NAV3: variants seen among roughly 807,000 people sequenced by gnomAD.
NAV3 encodes the protein neuron navigator 3, also known as pore membrane and/or filament interacting like protein 1.
Under a neutral mutation model 244.7 loss-of-function variants are expected in NAV3, and 87 were observed. The observed-to-expected ratio is 0.36, with a 90% CI of 0.30 to 0.42. The LOEUF (loss-of-function observed/expected upper bound fraction) is 0.42, where lower values mean the gene tolerates loss of function less well. NAV3 is among the 20% of genes least tolerant of loss of function. NAV3 has a pLI of 1.00. For synonymous variants in NAV3, 1,126 were observed against 1,042.2 expected (o/e 1.08, Z -1.55); for missense variants, 2,663 against 2,893.3 (o/e 0.92, Z 1.83).
At chr12:78,134,008 G>A (rs1051288295) in intron 18 of NAV3, among the ~76,000 whole-genome samples, 1 of 152,158 alleles carries the variant, frequency 6.6e-6, no homozygotes, top group African/African-American at 2.4e-5. Flanking sequence ...CAATCGCTCA[G>A]ATTCATTTTT....
At chr12:77,955,154 G>T (rs956292389) in intron 3 of NAV3, among the ~76,000 whole-genome samples, 8 of 152,084 alleles carry the variant, frequency 5.3e-5, no homozygotes, top group Admixed American at 5.2e-4. Flanking sequence ...AACCTTTTGA[G>T]CAGTTTCACA....
chr12:77,915,411 A>G (rs936557), intron 1 of NAV3, among the ~76,000 whole-genome samples: 16,781 of 151,942 alleles, frequency 0.11, 1,066 homozygotes, highest in South Asian at 0.2. Flanking sequence ...CTTCTTGTAT[A>G]GCCCTCCAGA....
chr12:78,070,012 A>G (rs1323563171), intron 12 of NAV3, among the ~76,000 whole-genome samples: 1 of 152,060 alleles, frequency 6.6e-6, no homozygotes, highest in Non-Finnish European at 1.5e-5. Context: ...TACTGAAACT[A>G]TGCTTCTTTA....
At position 77,803,996 on chromosome 12, in the gene NAV3, T is replaced by A. The variant is rs148104537; in HGVS notation, c.73-136323T>A. On this transcript the variant is annotated intron_variant, in intron 2 of 8. Transcript: ENST00000550042. ...AGTTGTTTTTTTCTTTCTTGTAAAT[T>A]TGTTTAAGTTCCTTGTAGATTCTGG... 8.5e-3 allele frequency among the ~76,000 whole-genome samples: 1,293 copies of A among 152,290 alleles called. 14 individuals carry two copies. The highest frequency in any genetic ancestry group is 0.013 in the Non-Finnish European group (883 of 68,030).
At chr12:77,604,707 G>A (rs1027438086) in intron 2 of NAV3, among the ~76,000 whole-genome samples, 1 of 151,948 alleles carries the variant, frequency 6.6e-6, no homozygotes, top group Non-Finnish European at 1.5e-5. Context: ...ATGTCAGCTG[G>A]TGCTCGTATA....
intron 12 of NAV3, among the ~76,000 whole-genome samples, chr12:78,095,811 C>A (rs1395979203): frequency 6.6e-6 from 1 of 152,126 alleles, no homozygotes; most frequent in Non-Finnish European, 1.5e-5. Flanking sequence ...CAGAATGAAT[C>A]ATATAGTTGT....
intron 2 of NAV3, among the ~76,000 whole-genome samples, chr12:77,721,105 T>C (rs1876608715): frequency 6.6e-6 from 1 of 152,138 alleles, no homozygotes; most frequent in Non-Finnish European, 1.5e-5. Context: ...CTGGACCCAG[T>C]GGACCCACGG....
intron 2 of NAV3, among the ~76,000 whole-genome samples, chr12:77,809,450 C>T (rs780591303): frequency 6.6e-5 from 10 of 152,160 alleles, no homozygotes; most frequent in Non-Finnish European, 1.5e-4. Context: ...TTGTGCTTCC[C>T]GGGTGAGGTG....
intron 1 of NAV3, among the ~76,000 whole-genome samples, chr12:77,902,896 G>A (rs1005630590): frequency 1.3e-5 from 2 of 152,098 alleles, no homozygotes; most frequent in African/African-American, 4.8e-5. Flanking sequence ...ATTCACAATT[G>A]CTTCAAAGAG....
At chr12:78,196,549 C>T (rs1959177293) in intron 34 of NAV3, among the ~76,000 whole-genome samples, 1 of 151,988 alleles carries the variant, frequency 6.6e-6, no homozygotes, top group African/African-American at 2.4e-5. Flanking sequence ...GCCTACCCAT[C>T]TGTGAGAGCA....
intron 1 of NAV3, among the ~76,000 whole-genome samples, chr12:77,873,235 ATTTC>A (rs1276457401): frequency 5.3e-5 from 8 of 152,256 alleles, no homozygotes; most frequent in Non-Finnish European, 1.0e-4. Flanking sequence ...CATCTTGGGT[ATTTC>A]TTCATAGCAG....
intron 12 of NAV3, among the ~76,000 whole-genome samples, chr12:78,062,232 A>T (rs1214855452): frequency 6.6e-6 from 1 of 152,152 alleles, no homozygotes; most frequent in Non-Finnish European, 1.5e-5. Context: ...AATATATCAG[A>T]TAAATTGTGG....
chr12:77,634,966 T>C (rs1036502472), intron 2 of NAV3, among the ~76,000 whole-genome samples: 1 of 152,166 alleles, frequency 6.6e-6, no homozygotes, highest in Admixed American at 6.5e-5. Context: ...TGGTGGCTCA[T>C]GCCTGTAATC....
At chr12:77,772,169 A>G (rs1870124994) in intron 2 of NAV3, among the ~76,000 whole-genome samples, 1 of 152,138 alleles carries the variant, frequency 6.6e-6, no homozygotes, top group South Asian at 2.1e-4. Context: ...AGCTTGGTCC[A>G]GGTAACAGTG....
rs1254882717 is a variant in NAV3, at chr12:77,616,492, A to G, written c.72+44226A>G. Among the ~76,000 whole-genome samples the G allele has an allele frequency of 7.6e-4, 116 of 152,302 alleles. 1 individual carries two copies. Among genetic ancestry groups the G allele is most frequent in the Non-Finnish European group, 1.5e-4 (10 of 68,032 alleles). On this transcript the variant is annotated intron_variant, in intron 2 of 8. Coordinates refer to the NAV3 transcript ENST00000550042. ...AACTTTTTGAAGACCCTTTGTATAT[A>G]TAATGTGGTACAATCACCAACATAT...
At chr12:77,884,268 ATGAT>A (rs772809269) in intron 1 of NAV3, among the ~76,000 whole-genome samples, 3 of 152,116 alleles carry the variant, frequency 2.0e-5, no homozygotes, top group South Asian at 4.1e-4. Context: ...AGATTAGATG[ATGAT>A]TGATTGATTG....
chr12:77,998,399 A>C lies in NAV3; in HGVS notation c.803A>C (p.Asn268Thr). Residue 268 changes from asparagine to threonine, a missense_variant, in exon 7 of 40, where the codon AAT becomes ACT. By Grantham distance (65) the Asn-to-Thr change is moderately conservative. Coordinates refer to ENST00000397909, the MANE Select transcript of NAV3 (RefSeq NM_001024383.2). Reference sequence around the variant, plus strand: ...AGCAGCAAGGTCCAGGGAGCCTCTAATTTAAATAGGAGAAGTCAGAGCTTT... The same window carrying C: ...AGCAGCAAGGTCCAGGGAGCCTCTACTTTAAATAGGAGAAGTCAGAGCTTT... ...GSSSKVQGAS[N>T]LNRRSQSFNS... The C allele has an allele frequency of 6.2e-7, 1 of 1,612,252 alleles. No homozygotes were observed. Among genetic ancestry groups the C allele is most frequent in the Non-Finnish European group, 8.5e-7 (1 of 1,179,012 alleles).
intron 2 of NAV3, among the ~76,000 whole-genome samples, chr12:77,671,114 A>G (rs1366315622): frequency 6.6e-6 from 1 of 152,160 alleles, no homozygotes; most frequent in East Asian, 1.9e-4. Flanking sequence ...ATTCATGTAT[A>G]CAAATCATAG....
At chr12:77,893,046 T>A (rs544639757) in intron 1 of NAV3, among the ~76,000 whole-genome samples, 2 of 152,180 alleles carry the variant, frequency 1.3e-5, no homozygotes, top group African/African-American at 4.8e-5. Flanking sequence ...GTTAGGTTTC[T>A]GAAGAACATG....
Sources: allele counts gnomAD v4.1 joint callset (sites outside exome capture counted in the v4.1 genomes callset), GRCh38; gene constraint gnomAD v4.1.1; transcripts MANE v1.5; gene names NCBI Gene and HGNC (gene_info 2026-07-23, HGNC 2026-07-21).